Variants in LRFN5 observed in about 807,000 individuals in gnomAD.
LRFN5 encodes leucine rich repeat and fibronectin type III domain containing 5.
In LRFN5, 24 loss-of-function variants were observed where a neutral mutation model predicts 45.6. The ratio of observed to expected loss-of-function variants is 0.53; its 90% CI spans 0.38 to 0.74. The LOEUF is 0.74. Ranked by LOEUF, LRFN5 falls within the 30% of genes least tolerant of loss-of-function variation. The pLI, the probability that LRFN5 is intolerant of heterozygous loss-of-function variation, is 0.00. For missense variants in LRFN5, 776 were observed against 861.5 expected (o/e 0.90, Z 1.24); for synonymous variants, 340 against 313.8 (o/e 1.08, Z -0.88).
At chr14:41,834,520 C>T (rs1250676261) in intron 2 of LRFN5, among the ~76,000 whole-genome samples, 1 of 152,172 alleles carries the variant, frequency 6.6e-6, no homozygotes, top group Non-Finnish European at 1.5e-5. Context: ...AATTACATAA[C>T]ATGTTTTAAT....
At chr14:41,674,337 C>A in intron 1 of LRFN5, among the ~76,000 whole-genome samples, 1 of 130,066 alleles carries the variant, frequency 7.7e-6, no homozygotes. Flanking sequence ...GGCCGACCCC[C>A]CCACCTCCCT....
At chr14:41,725,531 A>T (rs1883894556) in intron 1 of LRFN5, among the ~76,000 whole-genome samples, 1 of 149,232 alleles carries the variant, frequency 6.7e-6, no homozygotes, top group African/African-American at 2.4e-5. Context: ...TATAAGCCAG[A>T]AGTCATTCTT....
At chr14:41,683,805 C>T (rs1882006142) in intron 1 of LRFN5, among the ~76,000 whole-genome samples, 1 of 151,886 alleles carries the variant, frequency 6.6e-6, no homozygotes, top group Non-Finnish European at 1.5e-5. Context: ...AGAAGATATA[C>T]AAAAATAGAG....
chr14:41,857,447 C>T (rs982700455), intron 2 of LRFN5, among the ~76,000 whole-genome samples: 1 of 152,150 alleles, frequency 6.6e-6, no homozygotes, highest in Non-Finnish European at 1.5e-5. Context: ...GAATCTATCT[C>T]CTCGTGGTTT....
intron 1 of LRFN5, among the ~76,000 whole-genome samples, chr14:41,734,617 A>C (rs1188516831): frequency 6.6e-6 from 1 of 150,652 alleles, no homozygotes; most frequent in African/African-American, 2.4e-5. Context: ...TAATCCACTC[A>C]GCCTCTTTAT....
intron 2 of LRFN5, among the ~76,000 whole-genome samples, chr14:41,821,211 C>T (rs969027572): frequency 1.6e-4 from 25 of 151,990 alleles, no homozygotes; most frequent in Non-Finnish European, 3.5e-4. Context: ...AAGCTTTCAA[C>T]TTTTCCCTGT....
intron 1 of LRFN5, among the ~76,000 whole-genome samples, chr14:41,643,560 G>A (rs1248100218): frequency 6.6e-6 from 1 of 152,060 alleles, no homozygotes. Flanking sequence ...GTTGATTCAA[G>A]ATTCTGGCTC....
chr14:41,652,394 A>G (rs950408759), intron 1 of LRFN5, among the ~76,000 whole-genome samples: 1 of 152,284 alleles, frequency 6.6e-6, no homozygotes, highest in African/African-American at 2.4e-5. Context: ...ATAATTGTAG[A>G]GTGGGCTAGG....
chr14:41,702,038 G>A (rs541216580), intron 1 of LRFN5, among the ~76,000 whole-genome samples: 1 of 152,240 alleles, frequency 6.6e-6, no homozygotes, highest in African/African-American at 2.4e-5. Context: ...ATTAGAAATA[G>A]GAGACTTGCC....
chr14:41,885,659 G>A (rs1017229117), intron 2 of LRFN5, among the ~76,000 whole-genome samples: 51 of 152,164 alleles, frequency 3.4e-4, no homozygotes, highest in African/African-American at 1.2e-3. Context: ...GGAACTCGGA[G>A]CTATTGTGAT....
intron 1 of LRFN5, among the ~76,000 whole-genome samples, chr14:41,660,721 A>T (rs544516253): frequency 6.6e-6 from 1 of 151,976 alleles, no homozygotes; most frequent in South Asian, 2.1e-4. Flanking sequence ...TCAGTTAAGT[A>T]TTGGATGTGA....
At chr14:41,781,663 AAG>A (rs1185079054) in intron 2 of LRFN5, among the ~76,000 whole-genome samples, 2 of 150,786 alleles carry the variant, frequency 1.3e-5, no homozygotes, top group East Asian at 3.9e-4. Flanking sequence ...GAAAGAAAGA[AAG>A]GAAAGAAAGA....
chr14:41,750,278 TA>T (rs1885076047), intron 1 of LRFN5, among the ~76,000 whole-genome samples: 1 of 9,652 alleles, frequency 1.0e-4, no homozygotes, highest in Non-Finnish European at 1.8e-4. Context: ...TATATATATA[TA>T]TATATATATA....
chr14:41,760,559 A>G (rs1445027586), intron 1 of LRFN5, among the ~76,000 whole-genome samples: 1 of 152,202 alleles, frequency 6.6e-6, no homozygotes, highest in Non-Finnish European at 1.5e-5. Flanking sequence ...TGTAATATAA[A>G]TGTTTTGAAA....
chr14:41,846,571 G>C (rs1418023497), intron 2 of LRFN5, among the ~76,000 whole-genome samples: 2 of 152,020 alleles, frequency 1.3e-5, no homozygotes, highest in Non-Finnish European at 2.9e-5. Context: ...TGGAATTTCT[G>C]TTTCTTAATC....
rs577069908 is a variant in LRFN5 at position 41,764,888 on chromosome 14, A to C, written c.-196-1966A>C. On this transcript the variant is annotated intron_variant, in intron 1 of 5. Coordinates refer to ENST00000298119, the MANE Select transcript of LRFN5 (RefSeq NM_152447.5). The stretch of plus-strand genomic sequence containing the variant: ...ATATATGCAGAATACATATATATTC[A>C]TATAAATATTATTTTTATAACAACA... 9.3e-5 allele frequency among the ~76,000 whole-genome samples: 12 copies of C among 129,448 alleles called. No homozygotes were observed. The East Asian group carries it at 2.4e-3, about 26-fold the overall frequency. The allele number at this position is 129,448 out of a possible 152,430, so 84.9% of individuals were successfully genotyped here. A position where few individuals can be genotyped will look rare whatever the true frequency, so the allele number is the denominator to read the frequency against.
At chr14:41,783,371 T>C (rs554608985) in intron 2 of LRFN5, among the ~76,000 whole-genome samples, 1 of 152,266 alleles carries the variant, frequency 6.6e-6, no homozygotes, top group East Asian at 1.9e-4. Context: ...TCTCTCTGGA[T>C]GTGCCTGAGT....
intron 1 of LRFN5, among the ~76,000 whole-genome samples, chr14:41,728,378 C>T (rs1001215712): frequency 6.6e-5 from 10 of 152,158 alleles, no homozygotes; most frequent in African/African-American, 2.4e-4. Context: ...GTCTGAGCCT[C>T]CTATAGATAG....
intron 1 of LRFN5, among the ~76,000 whole-genome samples, chr14:41,729,663 T>A (rs879288911): frequency 3.3e-4 from 50 of 152,120 alleles, no homozygotes; most frequent in Non-Finnish European, 6.2e-4. Flanking sequence ...CTTGCATATA[T>A]TTTGATATCT....
Sources: allele counts gnomAD v4.1 joint callset (sites outside exome capture counted in the v4.1 genomes callset), GRCh38; gene constraint gnomAD v4.1.1; transcripts MANE v1.5; gene names NCBI Gene and HGNC (gene_info 2026-07-23, HGNC 2026-07-21).